HNF4G: variants seen among roughly 807,000 people sequenced by gnomAD.
The protein encoded by HNF4G is hepatocyte nuclear factor 4-gamma.
In HNF4G, 21 loss-of-function variants were observed where a neutral mutation model predicts 50.9. The observed-to-expected ratio is 0.41, with a 90% CI of 0.29 to 0.59. The LOEUF is 0.59. Among genes scored for constraint, HNF4G ranks in the 20% least tolerant of loss-of-function variants. The pLI, the probability that HNF4G is intolerant of heterozygous loss-of-function variation, is 0.26. For missense variants in HNF4G, 527 were observed against 559.4 expected (o/e 0.94, Z 0.58); for synonymous variants, 198 against 185.6 (o/e 1.07, Z -0.54).
chr8:75,508,026 A>C (rs1805640250), intron 2 of HNF4G, among the ~76,000 whole-genome samples: 2 of 152,118 alleles, frequency 1.3e-5, no homozygotes, highest in Admixed American at 6.5e-5. Context: ...TTTGAAAAAA[A>C]AAAGATAAAA....
intron 8 of HNF4G, among the ~76,000 whole-genome samples, chr8:75,559,272 TGTTTG>T (rs1807230120): frequency 6.7e-6 from 1 of 149,026 alleles, no homozygotes. Context: ...TCGTTTTTTT[TGTTTG>T]TTTTTTTTTT....
chr8:75,501,451 A>G (rs1812923213), intron 2 of HNF4G, among the ~76,000 whole-genome samples: 1 of 152,122 alleles, frequency 6.6e-6, no homozygotes, highest in Non-Finnish European at 1.5e-5. Flanking sequence ...AGATAACAAA[A>G]TGTTTGGTAA....
At chr8:75,522,203 T>C (rs539309680) in intron 2 of HNF4G, among the ~76,000 whole-genome samples, 1 of 152,338 alleles carries the variant, frequency 6.6e-6, no homozygotes, top group South Asian at 2.1e-4. Context: ...TATTAGTTCC[T>C]TAATTAAACA....
At chr8:75,488,641 A>G (rs1812550260) in intron 1 of HNF4G, among the ~76,000 whole-genome samples, 1 of 152,160 alleles carries the variant, frequency 6.6e-6, no homozygotes, top group Non-Finnish European at 1.5e-5. Context: ...TTAAAGCATT[A>G]GAGACTTTAG....
intron 1 of HNF4G, among the ~76,000 whole-genome samples, chr8:75,460,289 A>G (rs1338191760): frequency 6.6e-6 from 1 of 152,284 alleles, no homozygotes; most frequent in East Asian, 1.9e-4. Context: ...GTGTGATGAC[A>G]TTTATGTACT....
chr8:75,437,085 G>A (rs1388699667), intron 1 of HNF4G, among the ~76,000 whole-genome samples: 1 of 152,132 alleles, frequency 6.6e-6, no homozygotes, highest in Non-Finnish European at 1.5e-5. Context: ...TAGGTGAACA[G>A]ACACTATAAA....
In HNF4G at chr8:75,434,381, A is replaced by G. The variant is rs1456411309; in HGVS notation, c.-144+26219A>G. 2.6e-5 allele frequency among the ~76,000 whole-genome samples: 4 copies of G among 152,102 alleles called. No homozygotes were observed. In the South Asian group the frequency reaches 6.2e-4, roughly 24 times the overall value. On this transcript the variant is annotated intron_variant, in intron 1 of 10. Coordinates refer to the HNF4G transcript ENST00000354370. ...AAATGAATGATCATGAAAATGCCAC[A>G]TATCAAACCATCTGGAATACCACTG...
At chr8:75,465,661 A>G (rs1209934172) in intron 1 of HNF4G, among the ~76,000 whole-genome samples, 1 of 152,112 alleles carries the variant, frequency 6.6e-6, no homozygotes, top group Non-Finnish European at 1.5e-5. Flanking sequence ...GAAATAAAAA[A>G]CAGGAGAAAA....
chr8:75,509,951 T>C (rs1805703344), intron 2 of HNF4G, among the ~76,000 whole-genome samples: 1 of 152,202 alleles, frequency 6.6e-6, no homozygotes, highest in Non-Finnish European at 1.5e-5. Context: ...CTTCTACTTA[T>C]TAAAGAAAAA....
At chr8:75,535,592 T>C (rs1806443358), upstream of HNF4G, among the ~76,000 whole-genome samples, 1 of 151,812 alleles carries the variant, frequency 6.6e-6, no homozygotes, top group Non-Finnish European at 1.5e-5. Context: ...GCTTTGGAGA[T>C]TGATATGTAG....
At chr8:75,484,132 G>A (rs1246787084) in intron 1 of HNF4G, among the ~76,000 whole-genome samples, 5 of 152,084 alleles carry the variant, frequency 3.3e-5, no homozygotes, top group South Asian at 2.1e-4. Flanking sequence ...TTGACCCAAC[G>A]TGTCATTAAG....
At chr8:75,434,602 A>G (rs1811094004) in intron 1 of HNF4G, among the ~76,000 whole-genome samples, 1 of 151,984 alleles carries the variant, frequency 6.6e-6, no homozygotes. Flanking sequence ...GCGAATGAAA[A>G]ATAGGGAGTG....
At chr8:75,407,895 G>C (rs1006332117), upstream of HNF4G, 1 of 152,140 alleles carries the variant, frequency 6.6e-6, no homozygotes, top group African/African-American at 2.4e-5. Context: ...TGGGGGACCT[G>C]CTGCCGGGAG....
rs550406265 is a variant in HNF4G, at chr8:75,565,985, CA to C, written c.*1892del. 7 of 151,704 alleles carry C rather than the reference CA, an allele frequency of 4.6e-5. No individual in the cohort carries two copies. The highest frequency in any genetic ancestry group is 2.1e-4 in the South Asian group (1 of 4,816). The allele number at this position is 151,704 out of a possible 1,614,324, so 9.4% of individuals were successfully genotyped here. A position where few individuals can be genotyped will look rare whatever the true frequency, so the allele number is the denominator to read the frequency against. On this transcript the variant is annotated 3_prime_UTR_variant, in exon 10 of 10. Coordinates refer to ENST00000396423, the MANE Select transcript of HNF4G (RefSeq NM_004133.5). ...TAAGAATGTTTTGATTTTGATCATA[CA>C]AATAACTTTTGTAGATTTTTGTTTA...
chr8:75,512,470 A>ATTATTATTATTG (rs1805782909), intron 2 of HNF4G, among the ~76,000 whole-genome samples: 1 of 135,618 alleles, frequency 7.4e-6, no homozygotes, highest in African/African-American at 2.6e-5. Flanking sequence ...TATTATTATT[A>ATTATTATTATTG]TTGTTATTAT....
intron 4 of HNF4G, 148 bp from the exon 5 acceptor site, chr8:75,552,894 A>C (rs571870082): frequency 2.3e-5 from 12 of 531,006 alleles, no homozygotes; most frequent in Non-Finnish European, 3.6e-5. Flanking sequence ...TTCATTTTTC[A>C]ATTTAAAATG....
chr8:75,461,321 T>A (rs551306209), intron 1 of HNF4G, among the ~76,000 whole-genome samples: 1 of 152,136 alleles, frequency 6.6e-6, no homozygotes, highest in Admixed American at 6.6e-5. Flanking sequence ...TTTGGCTCCA[T>A]TCCTTGGCCC....
At position 75,529,130 on chromosome 8, in the gene HNF4G, C is replaced by CA. The variant is rs34899143; in HGVS notation, c.-23-14670dup. Among the ~76,000 whole-genome samples the CA allele has an allele frequency of 3.1e-3, 461 of 148,942 alleles. 1 individual carries two copies. The highest frequency in any genetic ancestry group is 4.2e-3 in the South Asian group (20 of 4,710). On this transcript the variant is annotated intron_variant, in intron 2 of 10. Coordinates refer to the HNF4G transcript ENST00000354370. ...TGAAACCCCGTCTTTACTAAAAATA[C>CA]AAAAAAAAAAATTAGCTGGGAGTGG...
chr8:75,432,240 C>T (rs574852039), intron 1 of HNF4G, among the ~76,000 whole-genome samples: 13 of 150,382 alleles, frequency 8.6e-5, no homozygotes, highest in African/African-American at 3.2e-4. Flanking sequence ...GATTATGGCC[C>T]TGTATTAAAA....
Sources: allele counts gnomAD v4.1 joint callset (sites outside exome capture counted in the v4.1 genomes callset), GRCh38; gene constraint gnomAD v4.1.1; transcripts MANE v1.5; gene names NCBI Gene and HGNC (gene_info 2026-07-23, HGNC 2026-07-21).